HIP1R: variants seen among roughly 807,000 people sequenced by gnomAD.
HIP1R encodes the protein huntingtin interacting protein 1 related, also known as huntingtin-interacting protein 1-related protein.
Under a neutral mutation model 144.2 loss-of-function variants are expected in HIP1R, and 135 were observed. That is an observed-to-expected ratio of 0.94 (90% CI 0.81 to 1.08). HIP1R has a LOEUF of 1.08. Ranked by LOEUF, HIP1R falls within the 50% of genes least tolerant of loss-of-function variation. The pLI, the probability that HIP1R is intolerant of heterozygous loss-of-function variation, is 0.00. For missense variants in HIP1R, 1,462 were observed against 1,432.8 expected, an observed-to-expected ratio of 1.02 and a Z score of -0.33; for synonymous variants, 698 against 612.8, an observed-to-expected ratio of 1.14 and a Z score of -2.05.
chr12:122,841,829 A>G (rs2033068190), intron 1 of HIP1R, among the ~76,000 whole-genome samples: 3 of 152,124 alleles, frequency 2.0e-5, no homozygotes, highest in Admixed American at 1.3e-4. Flanking sequence ...CCTGGGGCGG[A>G]GGTGGCAGTG....
rs1386490827 is a variant in HIP1R, at chr12:122,840,698, G to A, written c.93+5055G>A. On this transcript the variant is annotated intron_variant, in intron 1 of 31. Coordinates refer to ENST00000253083, the MANE Select transcript of HIP1R (RefSeq NM_003959.3). The surrounding 1 kb of genome is among the most constrained non-coding windows in gnomAD (Gnocchi z 4.2). ...AAGCGGAGGCCTTGTGTGCTGGGGC[G>A]GTTGGGGAGAAAAGTGGATCTGCAC... 2.0e-5 allele frequency among the ~76,000 whole-genome samples: 3 copies of A among 152,216 alleles called. No individual in the cohort carries two copies. Among genetic ancestry groups the A allele is most frequent in the African/African-American group, 4.8e-5 (2 of 41,444 alleles).
At position 122,861,473 on chromosome 12, in the gene HIP1R, C is replaced by T. The variant is rs1053935689; in HGVS notation, c.3118C>T (p.Leu1040=). Residue 1040 remains leucine (L), a synonymous_variant, in exon 31 of 32, where the codon CTG becomes TTG. Transcript: ENST00000253083. Reference sequence around the variant, plus strand: ...AAGTGTAACCACCAAGAAACCACCCCTGGCCCAGAAGCCCAGCGTGGCCCC... The same window carrying T: ...AAGTGTAACCACCAAGAAACCACCCTTGGCCCAGAAGCCCAGCGTGGCCCC... ...PRSVTTKKPP[L]AQKPSVAPRQ... 6.2e-7 allele frequency: 1 copy of T among 1,613,464 alleles called. No homozygotes were observed. The highest frequency in any genetic ancestry group is 8.5e-7 in the Non-Finnish European group (1 of 1,179,870).
intron 31 of HIP1R, 60 bp from the exon 32 acceptor site, chr12:122,861,644 GGA>G: frequency 1.2e-6 from 2 of 1,601,028 alleles, no homozygotes; most frequent in Non-Finnish European, 1.7e-6. Context: ...CTTGCTCAAG[GGA>G]GAGGTGGGGC....
chr12:122,859,688 T>G, intron 23 of HIP1R, 84 bp from the exon 24 acceptor site: 3 of 1,507,708 alleles, frequency 2.0e-6, no homozygotes, highest in Non-Finnish European at 2.7e-6. Flanking sequence ...AGGTCAGAGC[T>G]GAGAGGGCAG....
chr12:122,838,149 C>T (rs1391861795), intron 1 of HIP1R, among the ~76,000 whole-genome samples: 1 of 152,116 alleles, frequency 6.6e-6, no homozygotes, highest in African/African-American at 2.4e-5. Flanking sequence ...ACAGGACACA[C>T]CCTGTTTGCA....
At chr12:122,855,945 C>T (rs2033558222) in intron 13 of HIP1R, 35 bp from the exon 14 acceptor site, 1 of 1,569,342 alleles carries the variant, frequency 6.4e-7, no homozygotes, top group South Asian at 1.2e-5. Flanking sequence ...CCCTCACGGC[C>T]CAGGCAGGGC....
chr12:122,844,841 C>T (rs118130428), intron 1 of HIP1R, among the ~76,000 whole-genome samples: 2 of 152,328 alleles, frequency 1.3e-5, no homozygotes, highest in East Asian at 3.9e-4. Flanking sequence ...CAGCCTCTGG[C>T]CTGTGTCAGA....
At chr12:122,841,235 T>G (rs1055699176) in intron 1 of HIP1R, among the ~76,000 whole-genome samples, 1 of 152,194 alleles carries the variant, frequency 6.6e-6, no homozygotes, top group African/African-American at 2.4e-5. Context: ...TGCTGCCCAG[T>G]CCTCATGACA....
rs145368193 is a variant in HIP1R, at chr12:122,856,057, G to A, written c.1206G>A (p.Lys402=). Residue 402 remains lysine, a synonymous_variant, in exon 14 of 32, where the codon AAG becomes AAA. Coordinates refer to ENST00000253083, the MANE Select transcript of HIP1R (RefSeq NM_003959.3). ...AGCTGGAGGAGCAGCGGAAGCAGAAGCAGAAGGCCCTGGTGGATAATGAGC... is the reference window on the plus strand; with the variant it reads ...AGCTGGAGGAGCAGCGGAAGCAGAAACAGAAGGCCCTGGTGGATAATGAGC... ...EGELEEQRKQ[K]QKALVDNEQL... The A allele has an allele frequency of 1.3e-4, 202 of 1,593,188 alleles. 2 individuals are homozygous for A. In the African/African-American group the frequency reaches 2.3e-3, roughly 18 times the overall value.
At chr12:122,851,431 C>T (rs2135657934) in intron 7 of HIP1R, 134 bp downstream of exon 7, 1 of 651,690 alleles carries the variant, frequency 1.5e-6, no homozygotes, top group East Asian at 3.4e-5. Flanking sequence ...GCCGCAGTGG[C>T]TCACATCTGT....
intron 3 of HIP1R, 72 bp downstream of exon 3, chr12:122,848,680 G>A (rs2033285114): frequency 6.3e-7 from 1 of 1,594,692 alleles, no homozygotes; most frequent in Admixed American, 1.7e-5. Flanking sequence ...CTCTGGCCCT[G>A]TTCCTGTCCC....
In HIP1R at chr12:122,857,208, C is replaced by T. The variant is rs1330273382; in HGVS notation, c.1808C>T (p.Ala603Val). ...QEQGELQGRL[A>V]ERESQEQGLR... is the part of the protein sequence containing the mutation. The stretch of plus-strand genomic sequence containing the variant: ...CAGGGCGAGTTGCAGGGCCGGCTGG[C>T]AGAGAGGGTATGGCCTCCCCAGATG... The change falls in exon 18 of 32, where the codon GCA (alanine) becomes GTA (valine). Residue 603 changes from alanine (A) to valine (V), a missense_variant. By Grantham distance (64) the Ala-to-Val change is moderately conservative. Around this residue, in one of 2 missense-constraint regions of HIP1R, gnomAD observed 1,112 missense variants for 1,011.7 expected, o/e 1.10. Coordinates refer to ENST00000253083, the MANE Select transcript of HIP1R (RefSeq NM_003959.3). 1.5e-5 allele frequency: 23 copies of T among 1,550,238 alleles called. No individual in the cohort carries two copies. Among genetic ancestry groups the T allele is most frequent in the South Asian group, 5.9e-5 (5 of 84,056 alleles).
chr12:122,860,895 C>T (rs1245817681), intron 28 of HIP1R, 21 bp from the exon 29 acceptor site: 2 of 1,604,718 alleles, frequency 1.2e-6, no homozygotes, highest in Admixed American at 1.7e-5. Context: ...CCTGGGCCCA[C>T]CCTGACCTCT....
At chr12:122,859,999 TG>T in intron 24 of HIP1R, 47 bp from the exon 25 acceptor site, 1 of 1,527,468 alleles carries the variant, frequency 6.5e-7, no homozygotes, top group South Asian at 1.3e-5. Context: ...TGGCGTCGTG[TG>T]GGCTGCTCTG....
chr12:122,837,926 T>A (rs1189395985), intron 1 of HIP1R, among the ~76,000 whole-genome samples: 4 of 152,188 alleles, frequency 2.6e-5, no homozygotes, highest in African/African-American at 9.7e-5. Context: ...TACTTCCATG[T>A]CTCCTTCGGG....
rs752029390 is a variant in HIP1R at position 122,860,696 on chromosome 12, T to C, written c.2678T>C (p.Val893Ala). The C allele has an allele frequency of 3.1e-6, 5 of 1,613,040 alleles. No homozygotes were observed. The African/African-American group carries it at 4.0e-5, about 13-fold the overall frequency. Residue 893 changes from valine (V) to alanine (A), a missense_variant, in exon 28 of 32, where the codon GTG (valine) becomes GCG (alanine). Physicochemically the swap from Val to Ala is moderately conservative, Grantham distance 64. Around this residue, in one of 2 missense-constraint regions of HIP1R, gnomAD observed 1,112 missense variants for 1,011.7 expected, o/e 1.10. Coordinates refer to ENST00000253083, the MANE Select transcript of HIP1R (RefSeq NM_003959.3). ...ACCCGCAGGGAGGCAGCTGACAAGG[T>C]GGTGCTTCACACGGGCAAGTATGAG... ...ATQLVEAADKVVLHTGKYEEL... is the reference protein window; with the variant it reads ...ATQLVEAADKAVLHTGKYEEL...
Position 122,859,493 on chromosome 12 carries a change from C to A in HIP1R, c.2363C>A (p.Ala788Glu). The A allele has an allele frequency of 6.2e-7, 1 of 1,613,280 alleles. No individual in the cohort carries two copies. Among genetic ancestry groups the A allele is most frequent in the East Asian group, 2.2e-5 (1 of 44,880 alleles). The change falls in exon 23 of 32, where the codon GCG becomes GAG. Residue 788 changes from alanine to glutamate, a missense_variant. By Grantham distance (107) the Ala-to-Glu change is moderately radical. Coordinates refer to ENST00000253083, the MANE Select transcript of HIP1R (RefSeq NM_003959.3). ...GGGGCCGTGGTCGACAAGGAGATGG[C>A]GGCCACATCCGCAGCCATTGAAGAT... is the stretch of plus-strand genomic sequence containing the variant. ...ELGAVVDKEM[A>E]ATSAAIEDAV...
chr12:122,855,928 C>CCAGGGCCCCTCACGGCCCAGG (rs747118700), intron 13 of HIP1R, 25 bp downstream of exon 13: 2 of 1,564,994 alleles, frequency 1.3e-6, no homozygotes, highest in African/African-American at 1.4e-5. Flanking sequence ...TGGGTGGGGG[C>CCAGGGCCCCTCACGGCCCAGG]CAGGGCCCCT....
At chr12:122,859,029 G>GA in intron 21 of HIP1R, 32 bp from the exon 22 acceptor site, 1 of 1,606,792 alleles carries the variant, frequency 6.2e-7, no homozygotes, top group African/African-American at 1.3e-5. Context: ...GTCGGTGGGG[G>GA]GGGCTCCACT....
Sources: gnomAD v4.1 joint callset for allele counts (sites outside exome capture counted in the v4.1 genomes callset) on GRCh38, gnomAD v4.1.1 for gene constraint, gnomAD v4.1.1 regional missense constraint, Gnocchi (gnomAD v3.1) non-coding constraint, MANE v1.5 for transcripts, NCBI Gene and HGNC (gene_info 2026-07-23, HGNC 2026-07-21) for gene names.